Variants in ADAMTSL3 observed in about 807,000 individuals in gnomAD.
The protein encoded by ADAMTSL3 is ADAMTS like 3.
A neutral mutation model predicts 201.7 loss-of-function variants in ADAMTSL3; 128 were observed. That is an observed-to-expected ratio of 0.63 (90% confidence interval 0.55 to 0.73). The LOEUF (loss-of-function observed/expected upper bound fraction) is 0.73. Ranked by LOEUF, ADAMTSL3 falls within the 30% of genes least tolerant of loss-of-function variation. ADAMTSL3 has a pLI of 0.00. For synonymous variants in ADAMTSL3, 738 were observed against 748.4 expected, an observed-to-expected ratio of 0.99 and a Z score of 0.23; for missense variants, 1,990 against 2,119.6, an observed-to-expected ratio of 0.94 and a Z score of 1.20.
At chr15:83,808,557 A>G (rs2063639889) in intron 5 of ADAMTSL3, among the ~76,000 whole-genome samples, 2 of 152,206 alleles carry the variant, frequency 1.3e-5, no homozygotes, top group Admixed American at 1.3e-4. Flanking sequence ...GTGTTTGTGG[A>G]AAATAGTATG....
At chr15:83,901,211 G>C (rs2065718239) in intron 15 of ADAMTSL3, among the ~76,000 whole-genome samples, 1 of 152,174 alleles carries the variant, frequency 6.6e-6, no homozygotes, top group African/African-American at 2.4e-5. Flanking sequence ...TGAGTAAAAA[G>C]AGAAGAGTGT....
At chr15:83,710,538 A>G (rs2061920235) in intron 3 of ADAMTSL3, among the ~76,000 whole-genome samples, 1 of 151,890 alleles carries the variant, frequency 6.6e-6, no homozygotes, top group Non-Finnish European at 1.5e-5. Context: ...AGTCACACCT[A>G]TATTCTGGTA....
chr15:83,823,102 A>G (rs2063921772), intron 6 of ADAMTSL3, among the ~76,000 whole-genome samples: 1 of 150,472 alleles, frequency 6.6e-6, no homozygotes, highest in African/African-American at 2.4e-5. Flanking sequence ...AGGCTGAGGC[A>G]GGAGAATGAG....
intron 17 of ADAMTSL3, among the ~76,000 whole-genome samples, chr15:83,938,933 C>T (rs957228597): frequency 1.3e-5 from 2 of 152,126 alleles, no homozygotes; most frequent in Admixed American, 1.3e-4. Flanking sequence ...CTCACCTTCC[C>T]GCCCCCAAGC....
chr15:83,740,120 G>A (rs927723473), intron 3 of ADAMTSL3: 6 of 285,324 alleles, frequency 2.1e-5, no homozygotes, highest in Non-Finnish European at 4.5e-5. Context: ...CCATTGGCAA[G>A]GAGATCATTG....
intron 4 of ADAMTSL3, among the ~76,000 whole-genome samples, chr15:83,783,786 G>A (rs1378646610): frequency 3.3e-5 from 5 of 150,546 alleles, no homozygotes; most frequent in Admixed American, 3.3e-4. Flanking sequence ...TGCCATTTAA[G>A]AAGTTAAAAA....
intron 16 of ADAMTSL3, among the ~76,000 whole-genome samples, chr15:83,914,849 TTTTGTTTGTTTG>T (rs140942655): frequency 4.5e-4 from 12 of 26,460 alleles, no homozygotes; most frequent in African/African-American, 2.0e-3. Context: ...GTTTGTTTGG[TTTTGTTTGTTTG>T]TTTGTTTGTT....
intron 3 of ADAMTSL3, among the ~76,000 whole-genome samples, chr15:83,731,397 CAA>C (rs1184027638): frequency 3.9e-5 from 6 of 151,988 alleles, no homozygotes; most frequent in South Asian, 2.1e-4. Context: ...ATCAAATAGA[CAA>C]GAGATAATAA....
intron 29 of ADAMTSL3, 111 bp from the exon 30 acceptor site, chr15:84,037,589 T>A (rs2068534366): frequency 4.7e-6 from 6 of 1,265,668 alleles, no homozygotes; most frequent in Non-Finnish European, 6.4e-6. Context: ...CCAAAGCTGG[T>A]TTCTTCACCT....
intron 23 of ADAMTSL3, among the ~76,000 whole-genome samples, chr15:83,992,999 T>C (rs2067610434): frequency 6.6e-6 from 1 of 152,240 alleles, no homozygotes; most frequent in African/African-American, 2.4e-5. Flanking sequence ...TCTTCCCCCA[T>C]GGACTCAGAC....
At chr15:83,781,533 A>G (rs1204310234) in intron 4 of ADAMTSL3, among the ~76,000 whole-genome samples, 1 of 152,226 alleles carries the variant, frequency 6.6e-6, no homozygotes, top group Non-Finnish European at 1.5e-5. Context: ...CATTATGGAC[A>G]TTGGAATGGG....
intron 15 of ADAMTSL3, among the ~76,000 whole-genome samples, chr15:83,905,835 G>A (rs1255251759): frequency 6.6e-6 from 1 of 151,802 alleles, no homozygotes; most frequent in Non-Finnish European, 1.5e-5. Context: ...GGCTTCTCTC[G>A]CCAGCAGCAG....
At chr15:83,992,343 C>G (rs762022845) in intron 23 of ADAMTSL3, among the ~76,000 whole-genome samples, 1 of 152,156 alleles carries the variant, frequency 6.6e-6, no homozygotes, top group African/African-American at 2.4e-5. Flanking sequence ...GTTTTTCACC[C>G]CTTGGAAATC....
chr15:83,993,680 C>T (rs1410948367), intron 23 of ADAMTSL3, among the ~76,000 whole-genome samples: 1 of 152,102 alleles, frequency 6.6e-6, no homozygotes, highest in Non-Finnish European at 1.5e-5. Flanking sequence ...ATAACAGAAC[C>T]TAAAAGTCCA....
chr15:83,989,957 T>C (rs1403864679), intron 22 of ADAMTSL3, among the ~76,000 whole-genome samples: 1 of 152,248 alleles, frequency 6.6e-6, no homozygotes, highest in Non-Finnish European at 1.5e-5. Context: ...ATTTTCTCTC[T>C]TGAGACTTTC....
rs1243475534 is a variant in ADAMTSL3, at chr15:83,982,656, G to T, written c.3028G>T (p.Glu1010Ter). 2 of 1,614,050 alleles carry T rather than the reference G, an allele frequency of 1.2e-6. No homozygotes were observed. Among genetic ancestry groups the T allele is most frequent in the Non-Finnish European group, 1.7e-6 (2 of 1,180,042 alleles). Reference protein sequence around the residue: ...NRLIARPALREPMREYPGMDH... With the variant: ...NRLIARPALR ...GCTCATCGCACGCCCAGCCCTCAGG[G>T]AGCCTATGAGGGAATATCCTGGGAT... The change falls in exon 21 of 30, where the codon GAG (glutamate) becomes TAG (stop). Residue 1010 changes from glutamate to a stop codon, truncating the protein, a stop_gained. Coordinates refer to ENST00000286744, the MANE Select transcript of ADAMTSL3 (RefSeq NM_207517.3). LOFTEE classifies it high-confidence loss of function.
At chr15:83,714,434 T>A (rs1193267385) in intron 3 of ADAMTSL3, among the ~76,000 whole-genome samples, 1 of 152,322 alleles carries the variant, frequency 6.6e-6, no homozygotes, top group Middle Eastern at 3.4e-3. Context: ...TTCAAGTAGC[T>A]CTTCAACTGC....
intron 2 of ADAMTSL3, among the ~76,000 whole-genome samples, chr15:83,666,995 T>A (rs2141375666): frequency 6.6e-6 from 1 of 152,196 alleles, no homozygotes; most frequent in South Asian, 2.1e-4. Context: ...ATTTTCCCAT[T>A]TTGTCATTTA....
chr15:83,943,217 T>A, intron 19 of ADAMTSL3, 135 bp downstream of exon 19: 1 of 1,000,204 alleles, frequency 1.0e-6, no homozygotes, highest in Non-Finnish European at 1.4e-6. Context: ...TTTAAGGAGG[T>A]GCTCACTCAC....
Sources: allele counts gnomAD v4.1 joint callset (sites outside exome capture counted in the v4.1 genomes callset), GRCh38; gene constraint gnomAD v4.1.1; transcripts MANE v1.5; gene names NCBI Gene and HGNC (gene_info 2026-07-23, HGNC 2026-07-21).